The following BMPR1A variants were observed in gnomAD, a reference collection of about 807,000 sequenced individuals.
BMPR1A encodes the protein bone morphogenetic protein receptor type 1A.
Under a neutral mutation model 66.0 loss-of-function variants are expected in BMPR1A, and 7 were observed. That is an observed-to-expected ratio of 0.11 (90% CI 0.06 to 0.20). The LOEUF (loss-of-function observed/expected upper bound fraction) is 0.20. Ranked by LOEUF, BMPR1A falls within the 10% of genes least tolerant of loss-of-function variation. The pLI, the probability that BMPR1A is intolerant of heterozygous loss-of-function variation, is 1.00. For missense variants in BMPR1A, 408 were observed against 669.1 expected (o/e 0.61, Z 4.31); for synonymous variants, 200 against 229.7 (o/e 0.87, Z 1.17).
At chr10:86,787,057 T>G (rs1005607055) in intron 1 of BMPR1A, among the ~76,000 whole-genome samples, 1 of 152,250 alleles carries the variant, frequency 6.6e-6, no homozygotes, top group South Asian at 2.1e-4. Context: ...ATCAAGGATT[T>G]AAGTGAAATT....
At chr10:86,874,706 CTTCTTTTTTTTT>C (rs1564710166) in intron 2 of BMPR1A, among the ~76,000 whole-genome samples, 1 of 125,858 alleles carries the variant, frequency 7.9e-6, no homozygotes, top group Admixed American at 8.1e-5. Flanking sequence ...TGCACCCGAC[CTTCTTTTTTTTT>C]TTTTTTTTTT....
intron 1 of BMPR1A, among the ~76,000 whole-genome samples, chr10:86,782,518 T>G (rs559910528): frequency 5.3e-5 from 8 of 151,022 alleles, no homozygotes; most frequent in South Asian, 2.1e-4. Context: ...TTGTTTTTTG[T>G]TTTTTTTTGA....
Position 86,800,275 on chromosome 10 carries a change from G to A in BMPR1A, c.-267-38590G>A, listed in dbSNP as rs115925575. The stretch of plus-strand genomic sequence containing the variant: ...AGGCTGTTCTCCCTGCCATCTGCCC[G>A]GCTCTCAGTTGCCATCACTCACTGC... On this transcript the variant is annotated intron_variant, in intron 1 of 12. Transcript: ENST00000372037. Among the ~76,000 whole-genome samples, 681 of 152,252 alleles carry A rather than the reference G, an allele frequency of 4.5e-3. 9 individuals carry two copies. Among genetic ancestry groups the A allele is most frequent in the African/African-American group, 0.015 (640 of 41,540 alleles).
rs1029227040 is a variant in BMPR1A, at chr10:86,892,098, T to C, written c.231-29T>C. On this transcript the variant is annotated intron_variant, in intron 4 of 12. Transcript: ENST00000372037. ...AGTACTTTCTATGTGAATTTATGTT[T>C]TGTTTTGTTTTGTTTTTTTCTGTTT... is the stretch of plus-strand genomic sequence containing the variant. 2.6e-6 allele frequency: 4 copies of C among 1,552,830 alleles called. No individual in the cohort carries two copies. The African/African-American group carries it at 5.4e-5, about 21-fold the overall frequency.
At chr10:86,898,190 C>T (rs1462965935) in intron 5 of BMPR1A, among the ~76,000 whole-genome samples, 1 of 151,932 alleles carries the variant, frequency 6.6e-6, no homozygotes, top group African/African-American at 2.4e-5. Flanking sequence ...AAGTAGCCAC[C>T]ACACCCAGTT....
At chr10:86,802,826 A>G (rs1841831023) in intron 1 of BMPR1A, among the ~76,000 whole-genome samples, 1 of 151,764 alleles carries the variant, frequency 6.6e-6, no homozygotes, top group South Asian at 2.1e-4. Flanking sequence ...AAAGGAGTTA[A>G]TTGGGAGGCT....
chr10:86,859,622 C>A (rs1842687259), intron 2 of BMPR1A, among the ~76,000 whole-genome samples: 1 of 151,980 alleles, frequency 6.6e-6, no homozygotes, highest in Non-Finnish European at 1.5e-5. Context: ...GAGTTCGAGA[C>A]CAGCCTGGCC....
intron 1 of BMPR1A, among the ~76,000 whole-genome samples, chr10:86,797,474 G>A (rs978878223): frequency 6.6e-6 from 1 of 151,762 alleles, no homozygotes; most frequent in Admixed American, 6.6e-5. Context: ...CTCGTGATTC[G>A]CCCACTTCGG....
In BMPR1A at chr10:86,913,841, T is replaced by G. The variant is rs565837663; in HGVS notation, c.675+1457T>G. ...TATTAAGATTTCAGTTTTCCTCAAA[T>G]TGGTGTGTAATTTCATTCGAATCCA... On this transcript the variant is annotated intron_variant, in intron 8 of 12. Transcript: ENST00000372037. 5.9e-5 allele frequency among the ~76,000 whole-genome samples: 9 copies of G among 152,264 alleles called. No homozygotes were observed. The South Asian group carries it at 1.9e-3, about 32-fold the overall frequency.
intron 8 of BMPR1A, among the ~76,000 whole-genome samples, chr10:86,916,621 A>G (rs2133571334): frequency 6.6e-6 from 1 of 152,290 alleles, no homozygotes; most frequent in East Asian, 1.9e-4. Context: ...TATTATGACC[A>G]TTTTTGCAAA....
chr10:86,769,039 G>T (rs1346510905), intron 1 of BMPR1A, among the ~76,000 whole-genome samples: 1 of 152,146 alleles, frequency 6.6e-6, no homozygotes, highest in Non-Finnish European at 1.5e-5. Flanking sequence ...CACATACAGG[G>T]TCCTTGAAAA....
intron 2 of BMPR1A, among the ~76,000 whole-genome samples, chr10:86,867,777 C>T (rs1214438950): frequency 6.6e-6 from 1 of 152,184 alleles, no homozygotes; most frequent in African/African-American, 2.4e-5. Flanking sequence ...GTATAAAACA[C>T]ACAGCATCAA....
intron 2 of BMPR1A, among the ~76,000 whole-genome samples, chr10:86,848,922 C>T (rs764360740): frequency 1.3e-5 from 2 of 152,156 alleles, no homozygotes; most frequent in Non-Finnish European, 1.5e-5. Context: ...CTTCCACTTC[C>T]CTATTCTCAT....
At chr10:86,799,555 G>T (rs28712455) in intron 1 of BMPR1A, among the ~76,000 whole-genome samples, 3,273 of 75,156 alleles carry the variant, frequency 0.044, 121 homozygotes, top group African/African-American at 0.14. Context: ...TTCTTTTTTT[G>T]TTTTCTTTTG....
chr10:86,819,651 T>C (rs1774733830), intron 1 of BMPR1A, among the ~76,000 whole-genome samples: 2 of 152,240 alleles, frequency 1.3e-5, no homozygotes, highest in Admixed American at 1.3e-4. Context: ...TAGAAATTTA[T>C]GCTTGAAGCC....
chr10:86,758,083 ATTAT>A (rs1377537594), intron 1 of BMPR1A, among the ~76,000 whole-genome samples: 1 of 152,240 alleles, frequency 6.6e-6, no homozygotes, highest in Non-Finnish European at 1.5e-5. Flanking sequence ...GTGAACCAGA[ATTAT>A]TTAGATTTTT....
chr10:86,902,366 T>A (rs1843324312), intron 7 of BMPR1A, among the ~76,000 whole-genome samples: 1 of 147,012 alleles, frequency 6.8e-6, no homozygotes, highest in African/African-American at 2.6e-5. Flanking sequence ...ATACTTTTCT[T>A]TTTTTGTTTT....
rs1843757101 is a variant in BMPR1A at position 86,927,093 on chromosome 10, A to AT, written c.*3376dup. On this transcript the variant is annotated 3_prime_UTR_variant, in exon 13 of 13. Transcript: ENST00000372037. The stretch of plus-strand genomic sequence containing the variant: ...AGAAAGTGACCTATAGTTTTTTAAA[A>AT]TTATGTTTTCCTAGAACGTGCCAAA... 1 of 186,016 alleles carries AT rather than the reference A, an allele frequency of 5.4e-6. No homozygotes were observed. The highest frequency in any genetic ancestry group is 1.1e-5 in the Non-Finnish European group (1 of 88,042). 11.5% of individuals were successfully genotyped at this position (186,016 alleles called of 1,614,324 possible).
chr10:86,909,112 G>A (rs1296536709), intron 7 of BMPR1A, among the ~76,000 whole-genome samples: 1 of 151,666 alleles, frequency 6.6e-6, no homozygotes, highest in Admixed American at 6.6e-5. Context: ...TCATAATAAT[G>A]CAAGCACTGA....
Sources: gnomAD v4.1 joint callset for allele counts (sites outside exome capture counted in the v4.1 genomes callset) on GRCh38, gnomAD v4.1.1 for gene constraint, MANE v1.5 for transcripts, NCBI Gene and HGNC (gene_info 2026-07-23, HGNC 2026-07-21) for gene names.